Variants in ANKRD66 observed in about 807,000 individuals in gnomAD.
ANKRD66 encodes ankyrin repeat domain 66.
Under a neutral mutation model 10.9 loss-of-function variants are expected in ANKRD66, and 10 were observed. The observed-to-expected ratio is 0.91, with a 90% CI of 0.56 to 1.55. The LOEUF (loss-of-function observed/expected upper bound fraction) is 1.55. Ranked by LOEUF, ANKRD66 falls within the 40% of genes most tolerant of loss-of-function variation. The probability of loss-of-function intolerance (pLI) is 0.00; values close to 1 mark genes in which losing one functional copy is unlikely to be tolerated. For missense variants in ANKRD66, 252 were observed against 242.9 expected, an observed-to-expected ratio of 1.04 and a Z score of -0.25; for synonymous variants, 85 against 88.4, an observed-to-expected ratio of 0.96 and a Z score of 0.22.
intron 1 of ANKRD66, among the ~76,000 whole-genome samples, chr6:46,749,562 C>CCCA (rs1554185851): frequency 1.0e-5 from 1 of 97,764 alleles, no homozygotes; most frequent in African/African-American, 3.9e-5. Flanking sequence ...CCCCCCCCCC[C>CCCA]CCCCCGCTTT....
At chr6:46,753,572 A>C in intron 3 of ANKRD66, 150 bp from the exon 4 acceptor site, 1 of 710,478 alleles carries the variant, frequency 1.4e-6, no homozygotes, top group South Asian at 2.1e-5. Context: ...GAGAAGAGGG[A>C]AAAGGGAGGA....
chr6:46,752,169 T>G, intron 3 of ANKRD66, 58 bp downstream of exon 3: 6 of 1,364,452 alleles, frequency 4.4e-6, no homozygotes, highest in Non-Finnish European at 5.7e-6. Context: ...CATGAGGCTA[T>G]CAATCAGTAG....
Position 46,752,108 on chromosome 6 carries a change from A to T in ANKRD66, c.160A>T (p.Lys54Ter). The change falls in exon 3 of 5, where the codon AAA (lysine) becomes TAA (stop). Residue 54 changes from lysine (K) to a stop codon, truncating the protein, a stop_gained. Transcript: ENST00000565422. LOFTEE classifies it high-confidence loss of function. ...GACCCCACTTCACTGGGCTGCAATCAAAGGTGAGTGGGCAATGCTTAGGTA... is the reference window on the plus strand; with the variant it reads ...GACCCCACTTCACTGGGCTGCAATCTAAGGTGAGTGGGCAATGCTTAGGTA... ...DRTPLHWAAI[K>*]GQMEVIRLLI... 1 of 1,478,860 alleles carries T rather than the reference A, an allele frequency of 6.8e-7. No homozygotes were observed. The highest frequency in any genetic ancestry group is 1.5e-5 in the African/African-American group (1 of 68,946). 91.6% of individuals were successfully genotyped at this position (1,478,860 alleles called of 1,614,324 possible).
intron 1 of ANKRD66, among the ~76,000 whole-genome samples, 197 bp downstream of exon 1, chr6:46,747,187 A>G (rs188938559): frequency 9.4e-4 from 143 of 152,262 alleles, no homozygotes; most frequent in Admixed American, 9.4e-3. Context: ...ACCAATTGAT[A>G]AATTTCAGTA....
At position 46,758,979 on chromosome 6, in the gene ANKRD66, T is replaced by G; in HGVS notation, c.*58T>G. 1.4e-6 allele frequency: 2 copies of G among 1,469,786 alleles called. No homozygotes were observed. Among genetic ancestry groups the G allele is most frequent in the Non-Finnish European group, 1.8e-6 (2 of 1,097,608 alleles). The allele number at this position is 1,469,786 out of a possible 1,614,324, so 91.0% of individuals were successfully genotyped here. A position where few individuals can be genotyped will look rare whatever the true frequency, so the allele number is the denominator to read the frequency against. ...TTCCCTGGTGCCAGAAATGAGGCTG[T>G]TAGGCATGGTGGCCTTTCCATGACT... On this transcript the variant is annotated 3_prime_UTR_variant, in exon 5 of 5. Coordinates refer to ENST00000565422, the MANE Select transcript of ANKRD66 (RefSeq NM_001162435.3).
chr6:46,748,757 T>G (rs1053566730), intron 1 of ANKRD66, among the ~76,000 whole-genome samples: 2 of 152,190 alleles, frequency 1.3e-5, no homozygotes, highest in Non-Finnish European at 2.9e-5. Context: ...TCCCCTCAGT[T>G]GAGAACAGCT....
At chr6:46,754,453 T>A (rs1005041813) in intron 4 of ANKRD66, among the ~76,000 whole-genome samples, 1 of 152,254 alleles carries the variant, frequency 6.6e-6, no homozygotes, top group Non-Finnish European at 1.5e-5. Context: ...ACCTGTTTAT[T>A]TTTTTCGCTC....
In ANKRD66 at chr6:46,754,096, G is replaced by T. The variant is rs140246208; in HGVS notation, c.392+146G>T. 339 of 758,696 alleles carry T rather than the reference G, an allele frequency of 4.5e-4. 1 individual carries two copies. In the African/African-American group the frequency reaches 5.2e-3, roughly 12 times the overall value. The allele number at this position is 758,696 out of a possible 1,614,324, so 47.0% of individuals were successfully genotyped here. ...ACTATTATTTTTATTGATTTTTTTA[G>T]TTGAGTTATTTTTATTAGTGTTTCA... On this transcript the variant is annotated intron_variant, in intron 4 of 4. Coordinates refer to ENST00000565422, the MANE Select transcript of ANKRD66 (RefSeq NM_001162435.3).
intron 4 of ANKRD66, among the ~76,000 whole-genome samples, chr6:46,754,329 T>C (rs1766329062): frequency 2.6e-5 from 4 of 152,188 alleles, no homozygotes; most frequent in Non-Finnish European, 5.9e-5. Context: ...TTTTCTCATA[T>C]TTAAAACGAG....
Position 46,753,775 on chromosome 6 carries a change from G to A in ANKRD66, c.217G>A (p.Val73Ile). The A allele has an allele frequency of 6.4e-7, 1 of 1,551,650 alleles. No individual in the cohort carries two copies. Among genetic ancestry groups the A allele is most frequent in the South Asian group, 1.2e-5 (1 of 84,050 alleles). The change falls in exon 4 of 5, where the codon GTT (valine) becomes ATT (isoleucine). Residue 73 changes from valine (V) to isoleucine (I), a missense_variant. Transcript: ENST00000565422. ...LIEYGARPCL[V>I]TSVGWTPAHF... Reference sequence around the variant, plus strand: ...AGAATATGGAGCCAGGCCCTGCCTGGTTACTAGTGTGGGCTGGACCCCAGC... The same window carrying A: ...AGAATATGGAGCCAGGCCCTGCCTGATTACTAGTGTGGGCTGGACCCCAGC...
At chr6:46,755,271 G>C (rs1766360886) in intron 4 of ANKRD66, among the ~76,000 whole-genome samples, 1 of 152,150 alleles carries the variant, frequency 6.6e-6, no homozygotes, top group Non-Finnish European at 1.5e-5. Context: ...TTCAGCTAGA[G>C]AAAATCCCAC....
intron 1 of ANKRD66, 36 bp from the exon 2 acceptor site, chr6:46,749,860 T>A (rs1305639169): frequency 5.2e-6 from 8 of 1,540,030 alleles, no homozygotes; most frequent in Non-Finnish European, 6.1e-6. Context: ...GGGCATTGCA[T>A]TTTAATTACG....
At chr6:46,749,567 C>A (rs115121664) in intron 1 of ANKRD66, among the ~76,000 whole-genome samples, 17 of 103,158 alleles carry the variant, frequency 1.6e-4, no homozygotes, top group African/African-American at 5.8e-4. Context: ...CCCCCCCCCC[C>A]GCTTTTTTCT....
At chr6:46,747,675 AC>A (rs1766179573) in intron 1 of ANKRD66, among the ~76,000 whole-genome samples, 1 of 152,208 alleles carries the variant, frequency 6.6e-6, no homozygotes, top group African/African-American at 2.4e-5. Context: ...TGGATATTCC[AC>A]ATTTTGTGTA....
rs1046583312 is a variant in ANKRD66, at chr6:46,752,019, T to C, written c.71T>C (p.Val24Ala). ...GTGGCTGCAGGAGACTACAGCTTAGTGAAGAAGATTTTGAAGAAAGGTCTC... is the reference window on the plus strand; with the variant it reads ...GTGGCTGCAGGAGACTACAGCTTAGCGAAGAAGATTTTGAAGAAAGGTCTC... Reference protein sequence around the residue: ...QAVAAGDYSLVKKILKKGLCD... With the variant: ...QAVAAGDYSLAKKILKKGLCD... The change falls in exon 3 of 5, where the codon GTG becomes GCG. Residue 24 changes from valine to alanine, a missense_variant. Coordinates refer to ENST00000565422, the MANE Select transcript of ANKRD66 (RefSeq NM_001162435.3). The C allele has an allele frequency of 6.5e-7, 1 of 1,537,504 alleles. No individual in the cohort carries two copies. Among genetic ancestry groups the C allele is most frequent in the Non-Finnish European group, 8.8e-7 (1 of 1,141,132 alleles).
intron 4 of ANKRD66, chr6:46,757,113 AG>A (rs1179109714): frequency 6.6e-6 from 1 of 152,196 alleles, no homozygotes; most frequent in Admixed American, 6.5e-5. Flanking sequence ...AAAACAATAA[AG>A]GTCAGTCACA....
intron 2 of ANKRD66, among the ~76,000 whole-genome samples, chr6:46,751,324 G>A (rs1001216448): frequency 2.0e-5 from 3 of 152,140 alleles, no homozygotes; most frequent in Non-Finnish European, 4.4e-5. Flanking sequence ...AGTGCTCCAG[G>A]GATTTCTGAA....
chr6:46,746,992 T>G lies in ANKRD66; in HGVS notation c.-97+2T>G, dbSNP rs1766157096. 1.3e-6 allele frequency: 2 copies of G among 1,535,138 alleles called. No individual in the cohort carries two copies. The highest frequency in any genetic ancestry group is 1.7e-4 in the Middle Eastern group (1 of 6,010). On this transcript the variant is annotated splice_donor_variant, in intron 1 of 4. Transcript: ENST00000565422. LOFTEE classifies it low-confidence loss of function (5UTR_SPLICE). ...GCTCCTCAAATTTCACACAAGACAG[T>G]AAGTGTTTTTAAGTTACCCTCTCTT... is the stretch of plus-strand genomic sequence containing the variant.
chr6:46,748,865 A>G (rs780968539), intron 1 of ANKRD66, among the ~76,000 whole-genome samples: 3 of 152,210 alleles, frequency 2.0e-5, no homozygotes, highest in Non-Finnish European at 2.9e-5. Context: ...AGAGTGTGGT[A>G]AGTGAGCTAG....
Sources: gnomAD v4.1 joint callset for allele counts (sites outside exome capture counted in the v4.1 genomes callset) on GRCh38, gnomAD v4.1.1 for gene constraint, MANE v1.5 for transcripts, NCBI Gene and HGNC (gene_info 2026-07-23, HGNC 2026-07-21) for gene names.